PTPRQ: variants seen among roughly 807,000 people sequenced by gnomAD.
PTPRQ encodes the protein protein tyrosine phosphatase receptor type Q.
PTPRQ carries 199 observed loss-of-function variants against 246.0 expected under a neutral mutation model. That is an observed-to-expected ratio of 0.81 (90% CI 0.72 to 0.91). The LOEUF is 0.91. Among genes scored for constraint, PTPRQ ranks in the 40% least tolerant of loss-of-function variants. PTPRQ has a pLI of 0.00. For synonymous variants in PTPRQ, 869 were observed against 853.2 expected (o/e 1.02, Z -0.32); for missense variants, 2,624 against 2,528.4 (o/e 1.04, Z -0.81).
At chr12:80,536,320 C>A (rs1418034337) in intron 19 of PTPRQ, among the ~76,000 whole-genome samples, 1 of 152,188 alleles carries the variant, frequency 6.6e-6, no homozygotes, top group African/African-American at 2.4e-5. Context: ...CACTAGTTAG[C>A]TCTACTGAGT....
intron 26 of PTPRQ, among the ~76,000 whole-genome samples, chr12:80,592,482 G>T (rs932137461): frequency 6.6e-6 from 1 of 151,992 alleles, no homozygotes; most frequent in Admixed American, 6.6e-5. Context: ...ATGGGGAACT[G>T]CATATATTAT....
At chr12:80,467,526 T>C (rs1462019256) in intron 6 of PTPRQ, among the ~76,000 whole-genome samples, 6 of 152,194 alleles carry the variant, frequency 3.9e-5, no homozygotes, top group Admixed American at 2.0e-4. Context: ...CAAAGGACTA[T>C]AAAACATGCT....
At chr12:80,581,280 T>C (rs531700029) in intron 25 of PTPRQ, among the ~76,000 whole-genome samples, 1 of 152,336 alleles carries the variant, frequency 6.6e-6, no homozygotes, top group East Asian at 1.9e-4. Flanking sequence ...AAAGCATTTG[T>C]ACACTGATTC....
rs772106302 is a variant in PTPRQ, at chr12:80,549,669, G to A, written c.4220G>A (p.Arg1407Lys). 9 of 1,551,080 alleles carry A rather than the reference G, an allele frequency of 5.8e-6. No homozygotes were observed. Among genetic ancestry groups the A allele is most frequent in the Non-Finnish European group, 7.8e-6 (9 of 1,146,548 alleles). The change falls in exon 25 of 45, where the codon AGA (arginine) becomes AAA (lysine). Residue 1407 changes from arginine to lysine, a missense_variant. Transcript: ENST00000644991. ...LANTSYVFKV[R>K]ASTSAGEGDE... is the part of the protein sequence containing the mutation. Reference sequence around the variant, plus strand: ...AATACCTCATATGTCTTTAAAGTAAGAGCTTCAACCTCAGCTGGTGAAGGT... The same window carrying A: ...AATACCTCATATGTCTTTAAAGTAAAAGCTTCAACCTCAGCTGGTGAAGGT...
chr12:80,534,796 T>C lies in PTPRQ; in HGVS notation c.2840-96T>C. The C allele has an allele frequency of 2.2e-6, 3 of 1,391,088 alleles. No individual in the cohort carries two copies. In the South Asian group the frequency reaches 4.6e-5, roughly 21 times the overall value. 86.2% of individuals were successfully genotyped at this position (1,391,088 alleles called of 1,614,324 possible). Reference sequence around the variant, plus strand: ...AAGCTTTTTTGAAAAACATTTTTTATCACTTTAATTTATAAACTGTAGGTA... The same window carrying C: ...AAGCTTTTTTGAAAAACATTTTTTACCACTTTAATTTATAAACTGTAGGTA... On this transcript the variant is annotated intron_variant, in intron 18 of 44. Transcript: ENST00000644991.
intron 8 of PTPRQ, 124 bp from the exon 9 acceptor site, chr12:80,484,309 G>T: frequency 2.4e-6 from 3 of 1,231,980 alleles, no homozygotes; most frequent in Non-Finnish European, 3.3e-6. Flanking sequence ...ACCTAGCCTA[G>T]TCTGTTTTCT....
intron 9 of PTPRQ, among the ~76,000 whole-genome samples, chr12:80,489,994 G>A (rs966838943): frequency 6.6e-6 from 1 of 151,994 alleles, no homozygotes; most frequent in Non-Finnish European, 1.5e-5. Context: ...TAAGAAGAAA[G>A]TCTTGTGCTA....
intron 9 of PTPRQ, among the ~76,000 whole-genome samples, chr12:80,492,262 C>G (rs1894474031): frequency 6.6e-6 from 1 of 151,792 alleles, no homozygotes; most frequent in South Asian, 2.1e-4. Context: ...TTCTAAAAAC[C>G]ATGGACATTT....
At chr12:80,571,159 A>T (rs988169086) in intron 25 of PTPRQ, among the ~76,000 whole-genome samples, 1 of 152,122 alleles carries the variant, frequency 6.6e-6, no homozygotes, top group African/African-American at 2.4e-5. Flanking sequence ...CACTGAATCT[A>T]TAAATTATGG....
rs1367069008 is a variant in PTPRQ, at chr12:80,590,617, G to A, written c.4609+2165G>A. ...CGGAAGGCGGAGCTTGCAGTGAGCC[G>A]AAATCGCACCACTGCACTCCAGCCT... On this transcript the variant is annotated intron_variant, in intron 26 of 44. Coordinates refer to ENST00000644991, the MANE Select transcript of PTPRQ (RefSeq NM_001145026.2). Among the ~76,000 whole-genome samples, 16 of 125,044 alleles carry A rather than the reference G, an allele frequency of 1.3e-4. No homozygotes were observed. The East Asian group carries it at 2.9e-3, about 23-fold the overall frequency. The allele number at this position is 125,044 out of a possible 152,430, so 82.0% of individuals were successfully genotyped here.
At chr12:80,520,204 T>A (rs920881581) in intron 17 of PTPRQ, among the ~76,000 whole-genome samples, 1 of 152,136 alleles carries the variant, frequency 6.6e-6, no homozygotes, top group Non-Finnish European at 1.5e-5. Context: ...GTATCTCCCA[T>A]AATTTCCACA....
At chr12:80,526,887 A>AAAATATCTTT (rs1167695394) in intron 17 of PTPRQ, among the ~76,000 whole-genome samples, 2 of 151,926 alleles carry the variant, frequency 1.3e-5, no homozygotes, top group African/African-American at 4.8e-5. Context: ...AAAATGAAAG[A>AAAATATCTTT]AAATATCTTT....
Position 80,542,349 on chromosome 12 carries a change from T to A in PTPRQ, c.3706T>A (p.Tyr1236Asn). 6.5e-7 allele frequency: 1 copy of A among 1,538,954 alleles called. No individual in the cohort carries two copies. Among genetic ancestry groups the A allele is most frequent in the Non-Finnish European group, 8.7e-7 (1 of 1,144,244 alleles). Residue 1236 changes from tyrosine to asparagine, a missense_variant, in exon 22 of 45, where the codon TAC becomes AAC. By Grantham distance (143) the Tyr-to-Asn change is moderately radical. Transcript: ENST00000644991. Reference sequence around the variant, plus strand: ...TGGTCCTTCCAGTATTCTTTTCTTTTACACAGATGAGTCAGGTAAGCCAGA... The same window carrying A: ...TGGTCCTTCCAGTATTCTTTTCTTTAACACAGATGAGTCAGGTAAGCCAGA... ...GLGPSSILFF[Y>N]TDESVPLAPP... is the part of the protein sequence containing the mutation.
At chr12:80,568,711 C>A (rs1354656842) in intron 25 of PTPRQ, among the ~76,000 whole-genome samples, 1 of 152,158 alleles carries the variant, frequency 6.6e-6, no homozygotes, top group Non-Finnish European at 1.5e-5. Context: ...GAGTTCATTG[C>A]TGTGAGACAA....
intron 35 of PTPRQ, among the ~76,000 whole-genome samples, chr12:80,640,860 G>C (rs1339939886): frequency 6.6e-6 from 1 of 152,100 alleles, no homozygotes; most frequent in East Asian, 1.9e-4. Context: ...TGCATGTCCT[G>C]AGAATTTGCT....
chr12:80,653,598 G>GTA (rs1460811241), intron 38 of PTPRQ, among the ~76,000 whole-genome samples: 3 of 152,184 alleles, frequency 2.0e-5, no homozygotes, highest in Non-Finnish European at 4.4e-5. Flanking sequence ...ATCTGTGTGT[G>GTA]TATATATATA....
intron 17 of PTPRQ, among the ~76,000 whole-genome samples, chr12:80,520,375 T>C (rs530110607): frequency 2.0e-5 from 3 of 152,318 alleles, no homozygotes; most frequent in East Asian, 1.9e-4. Flanking sequence ...TTTTTAAAAT[T>C]ATACTTTAAG....
At chr12:80,604,240 G>C (rs979730272) in intron 26 of PTPRQ, among the ~76,000 whole-genome samples, 3 of 151,512 alleles carry the variant, frequency 2.0e-5, no homozygotes, top group Non-Finnish European at 4.4e-5. Flanking sequence ...AGGGGCCCCA[G>C]GAGGACAGAG....
At chr12:80,665,267 G>A (rs1900749001) in intron 39 of PTPRQ, among the ~76,000 whole-genome samples, 1 of 151,908 alleles carries the variant, frequency 6.6e-6, no homozygotes, top group Non-Finnish European at 1.5e-5. Context: ...AATCTCCTTT[G>A]GCAATACCCT....
Sources: gnomAD v4.1 joint callset for allele counts (sites outside exome capture counted in the v4.1 genomes callset) on GRCh38, gnomAD v4.1.1 for gene constraint, MANE v1.5 for transcripts, NCBI Gene and HGNC (gene_info 2026-07-23, HGNC 2026-07-21) for gene names.